Variants in KLRG1 observed in about 807,000 individuals in gnomAD.
The protein encoded by KLRG1 is killer cell lectin like receptor G1.
KLRG1 carries 16 observed loss-of-function variants against 21.8 expected under a neutral mutation model. That is an observed-to-expected ratio of 0.73 (90% CI 0.50 to 1.11). The LOEUF (loss-of-function observed/expected upper bound fraction) is 1.11. Among genes scored for constraint, KLRG1 ranks in the 50% most tolerant of loss-of-function variants. The pLI is 0.00. For missense variants in KLRG1, 173 were observed against 218.3 expected (o/e 0.79, Z 1.31); for synonymous variants, 69 against 75.9 (o/e 0.91, Z 0.47).
the KLRG1 span, among the ~76,000 whole-genome samples, chr12:9,130,269 T>C: frequency 1.3e-5 from 2 of 152,228 alleles, no homozygotes; most frequent in African/African-American, 4.8e-5. Context: ...GGTATATAAA[T>C]ATCTCTTCAA....
chr12:9,088,566 T>C, the KLRG1 span, among the ~76,000 whole-genome samples: 12 of 152,266 alleles, frequency 7.9e-5, no homozygotes, highest in African/African-American at 2.6e-4. Flanking sequence ...ACTAAATTTG[T>C]AGGTAGTCAG....
At chr12:9,161,667 T>A in the KLRG1 span, among the ~76,000 whole-genome samples, 1 of 152,206 alleles carries the variant, frequency 6.6e-6, no homozygotes, top group Non-Finnish European at 1.5e-5. Flanking sequence ...TGGATTCCCA[T>A]GTTTATAAAT....
chr12:9,209,945 C>T, the KLRG1 span, among the ~76,000 whole-genome samples: 1 of 151,904 alleles, frequency 6.6e-6, no homozygotes, highest in South Asian at 2.1e-4. Flanking sequence ...TGAATGTGGC[C>T]GAACCTGTTA....
the KLRG1 span, chr12:9,095,700 C>A: frequency 6.4e-7 from 1 of 1,553,800 alleles, no homozygotes; most frequent in Non-Finnish European, 8.7e-7. Flanking sequence ...AGGTTGTAAA[C>A]CTGTACAAAT....
At chr12:9,165,508 G>T in the KLRG1 span, 1 of 935,852 alleles carries the variant, frequency 1.1e-6, no homozygotes, top group Non-Finnish European at 1.6e-6. Flanking sequence ...GTGAACACTA[G>T]ATTATGTCCT....
chr12:9,146,389 G>A, the KLRG1 span, among the ~76,000 whole-genome samples: 2 of 151,734 alleles, frequency 1.3e-5, no homozygotes, highest in Admixed American at 6.6e-5. Flanking sequence ...ACTTTTTGTG[G>A]TTTTGTTGAA....
intron 1 of KLRG1, among the ~76,000 whole-genome samples, chr12:8,978,692 T>TTTA (rs1592252228): frequency 1.4e-5 from 2 of 145,566 alleles, no homozygotes; most frequent in East Asian, 4.1e-4. Flanking sequence ...TTCTTTCTTT[T>TTTA]TCTTTCTTTT....
At chr12:9,083,398 A>C in the KLRG1 span, among the ~76,000 whole-genome samples, 1 of 151,862 alleles carries the variant, frequency 6.6e-6, no homozygotes, top group East Asian at 1.9e-4. Context: ...AAAAAAAAAG[A>C]AATAGAAACA....
the KLRG1 span, among the ~76,000 whole-genome samples, chr12:9,113,922 C>T: frequency 6.6e-6 from 1 of 152,174 alleles, no homozygotes; most frequent in Non-Finnish European, 1.5e-5. Context: ...GCGGACATTA[C>T]AAAAACTAAT....
chr12:9,109,982 G>A, the KLRG1 span: 1 of 1,613,578 alleles, frequency 6.2e-7, no homozygotes, highest in African/African-American at 1.3e-5. Flanking sequence ...ATTGCTTGAG[G>A]CCACCCTCTA....
At chr12:8,992,618 T>G (rs1473612695) in intron 2 of KLRG1, among the ~76,000 whole-genome samples, 3 of 152,138 alleles carry the variant, frequency 2.0e-5, no homozygotes, top group African/African-American at 7.2e-5. Flanking sequence ...TTGACCTCCT[T>G]AGGCTCAAGT....
intron 1 of KLRG1, among the ~76,000 whole-genome samples, chr12:8,976,848 G>A (rs1231075030): frequency 6.6e-6 from 1 of 151,870 alleles, no homozygotes; most frequent in East Asian, 1.9e-4. Flanking sequence ...ATGGGTTCAA[G>A]TGATTTTCCT....
At chr12:9,043,076 CTTT>C in the KLRG1 span, among the ~76,000 whole-genome samples, 2 of 131,184 alleles carry the variant, frequency 1.5e-5, no homozygotes, top group Non-Finnish European at 1.6e-5. Flanking sequence ...TGGCAGATAT[CTTT>C]TTTTTTTTTT....
At chr12:9,211,018 A>G in the KLRG1 span, among the ~76,000 whole-genome samples, 1 of 152,144 alleles carries the variant, frequency 6.6e-6, no homozygotes, top group South Asian at 2.1e-4. Context: ...CAGGAGTGAG[A>G]TTGTTGTATG....
the KLRG1 span, among the ~76,000 whole-genome samples, chr12:9,134,200 A>G: frequency 2.1e-4 from 32 of 152,238 alleles, no homozygotes; most frequent in South Asian, 2.1e-3. Flanking sequence ...GGACTACAGA[A>G]CCCATGGTGT....
At chr12:9,157,732 T>A in the KLRG1 span, 4 of 1,583,874 alleles carry the variant, frequency 2.5e-6, no homozygotes, top group South Asian at 3.3e-5. Context: ...ATCTACAGTT[T>A]TCATGGTAGG....
At chr12:9,131,325 A>G in the KLRG1 span, among the ~76,000 whole-genome samples, 1 of 152,194 alleles carries the variant, frequency 6.6e-6, no homozygotes, top group Admixed American at 6.5e-5. Flanking sequence ...AGAGTTTACT[A>G]TACATTTTGG....
the KLRG1 span, chr12:9,070,510 G>A: frequency 1.3e-5 from 21 of 1,613,416 alleles, no homozygotes; most frequent in Non-Finnish European, 1.7e-5. Flanking sequence ...TGGCTTCAGG[G>A]GAATGAAGCC....
At chr12:8,999,062 C>T (rs1947230760) in intron 3 of KLRG1, among the ~76,000 whole-genome samples, 1 of 151,786 alleles carries the variant, frequency 6.6e-6, no homozygotes, top group Admixed American at 6.6e-5. Flanking sequence ...CTATCTGGGA[C>T]TTCAAGATTA....
Sources: gnomAD v4.1 joint callset for allele counts (sites outside exome capture counted in the v4.1 genomes callset) on GRCh38, gnomAD v4.1.1 for gene constraint, MANE v1.5 for transcripts, NCBI Gene and HGNC (gene_info 2026-07-23, HGNC 2026-07-21) for gene names.